PRR5L: variants seen among roughly 807,000 people sequenced by gnomAD.
PRR5L encodes the protein proline rich 5 like.
Under a neutral mutation model 36.4 loss-of-function variants are expected in PRR5L, and 21 were observed. That is an observed-to-expected ratio of 0.58 (90% CI 0.41 to 0.83). PRR5L has a LOEUF of 0.83. Ranked by LOEUF, PRR5L falls within the 40% of genes least tolerant of loss-of-function variation. The pLI is 0.00. For missense variants in PRR5L, 381 were observed against 473.3 expected, an observed-to-expected ratio of 0.80 and a Z score of 1.81; for synonymous variants, 188 against 197.0, an observed-to-expected ratio of 0.95 and a Z score of 0.38.
At chr11:36,336,865 T>C (rs1856773944) in intron 1 of PRR5L, among the ~76,000 whole-genome samples, 2 of 152,164 alleles carry the variant, frequency 1.3e-5, no homozygotes, top group African/African-American at 4.8e-5. Flanking sequence ...ATTTACTTAT[T>C]GGCTTTGTCC....
chr11:36,424,095 T>C (rs183019805), intron 4 of PRR5L, among the ~76,000 whole-genome samples: 252 of 152,280 alleles, frequency 1.7e-3, no homozygotes, highest in Middle Eastern at 6.8e-3. Context: ...TGGAAAAAAA[T>C]GGATCTTGAC....
chr11:36,317,168 G>T (rs187117139), intron 1 of PRR5L, among the ~76,000 whole-genome samples: 45 of 152,314 alleles, frequency 3.0e-4, no homozygotes, highest in African/African-American at 9.9e-4. Context: ...AGCTTCAAAC[G>T]TTCTTCTCTC....
At chr11:36,335,321 TCC>T (rs1379755701) in intron 1 of PRR5L, among the ~76,000 whole-genome samples, 2 of 152,142 alleles carry the variant, frequency 1.3e-5, no homozygotes, top group Non-Finnish European at 2.9e-5. Context: ...TGCCTCGACC[TCC>T]CAAAGTGCTG....
In PRR5L at chr11:36,403,467, T is replaced by TTG. The variant is rs1564937937; in HGVS notation, c.245+90_245+91insGT. ...ACCGCCTTAGGAGCCTTAAGGGTTTTTTTTTTTTTTTTCCTGCTTGATTCT... is the reference window on the plus strand; with the variant it reads ...ACCGCCTTAGGAGCCTTAAGGGTTTTTGTTTTTTTTTTTTCCTGCTTGATTCT... On this transcript the variant is annotated intron_variant, in intron 3 of 8. Transcript: ENST00000530639. The TTG allele has an allele frequency of 3.4e-4, 273 of 810,672 alleles. No homozygotes were observed. The South Asian group carries it at 4.3e-3, about 13-fold the overall frequency. The allele number at this position is 810,672 out of a possible 1,614,324, so 50.2% of individuals were successfully genotyped here. A position where few individuals can be genotyped will look rare whatever the true frequency, so the allele number is the denominator to read the frequency against.
At chr11:36,369,069 G>A (rs1857172774) in intron 1 of PRR5L, among the ~76,000 whole-genome samples, 1 of 152,156 alleles carries the variant, frequency 6.6e-6, no homozygotes, top group Non-Finnish European at 1.5e-5. Context: ...ACAAAAGGAG[G>A]TTTGGGAATG....
chr11:36,365,749 GTAT>G (rs1857138181), intron 1 of PRR5L, among the ~76,000 whole-genome samples: 2 of 152,144 alleles, frequency 1.3e-5, no homozygotes, highest in African/African-American at 4.8e-5. Flanking sequence ...GGTAATACAA[GTAT>G]TATATTTAGG....
chr11:36,320,055 T>C (rs1478753359), intron 1 of PRR5L, among the ~76,000 whole-genome samples: 1 of 152,116 alleles, frequency 6.6e-6, no homozygotes, highest in African/African-American at 2.4e-5. Flanking sequence ...TCAAGTGTAT[T>C]CAGCAGGTGC....
chr11:36,457,101 CCTG>C (rs1195512152), intron 8 of PRR5L, among the ~76,000 whole-genome samples: 2 of 152,194 alleles, frequency 1.3e-5, no homozygotes, highest in Non-Finnish European at 2.9e-5. Flanking sequence ...TGGGCTGGGA[CCTG>C]CGGAAATCAT....
intron 1 of PRR5L, among the ~76,000 whole-genome samples, chr11:36,375,458 G>A (rs975808717): frequency 2.6e-5 from 4 of 152,064 alleles, no homozygotes; most frequent in Non-Finnish European, 5.9e-5. Context: ...TTGTAGGGTC[G>A]CAATGACCAA....
At chr11:36,310,412 G>A (rs963171203) in intron 1 of PRR5L, among the ~76,000 whole-genome samples, 4 of 152,070 alleles carry the variant, frequency 2.6e-5, no homozygotes, top group Admixed American at 6.5e-5. Context: ...TAATAGGGGC[G>A]AAGTAGAGCC....
At chr11:36,310,132 C>T (rs1246626852) in intron 1 of PRR5L, among the ~76,000 whole-genome samples, 2 of 151,978 alleles carry the variant, frequency 1.3e-5, no homozygotes, top group East Asian at 3.9e-4. Context: ...CAAATGGTAC[C>T]CCAATTTACT....
intron 6 of PRR5L, among the ~76,000 whole-genome samples, chr11:36,442,570 G>C (rs1197523147): frequency 1.3e-5 from 2 of 152,112 alleles, no homozygotes; most frequent in African/African-American, 4.8e-5. Flanking sequence ...TCAAACTCCT[G>C]ACCTTGTGAT....
chr11:36,437,508 C>A (rs1350619954), intron 6 of PRR5L, 32 bp downstream of exon 6: 3 of 1,336,456 alleles, frequency 2.2e-6, no homozygotes, highest in African/African-American at 2.9e-5. Context: ...TTCCTGCCAT[C>A]CTCAGCGATC....
At chr11:36,423,778 T>G (rs561336091) in intron 4 of PRR5L, among the ~76,000 whole-genome samples, 159 of 152,144 alleles carry the variant, frequency 1.0e-3, no homozygotes, top group Non-Finnish European at 2.1e-3. Context: ...AGGTGAGAGG[T>G]CATCAGAGGT....
intron 3 of PRR5L, among the ~76,000 whole-genome samples, chr11:36,406,195 A>G (rs1488405860): frequency 6.6e-6 from 1 of 151,760 alleles, no homozygotes; most frequent in Non-Finnish European, 1.5e-5. Flanking sequence ...GAGGAGCATG[A>G]CACTCCCCCA....
chr11:36,297,531 G>A (rs1856325796), intron 1 of PRR5L: 1 of 152,156 alleles, frequency 6.6e-6, no homozygotes. Flanking sequence ...AGGACTCATG[G>A]TATATTATGG....
rs145997823 is a variant in PRR5L, at chr11:36,301,343, G to A, written c.-126+4905G>A. On this transcript the variant is annotated intron_variant, in intron 1 of 8. Transcript: ENST00000530639. ...TTTAGAGGGAACTCTGAGGCAGGAC[G>A]GGGACACACTTGAGCATCAGAGGCG... Among the ~76,000 whole-genome samples, 699 of 152,246 alleles carry A rather than the reference G, an allele frequency of 4.6e-3. 1 individual carries two copies. The highest frequency in any genetic ancestry group is 0.02 in the Middle Eastern group (6 of 294).
At chr11:36,453,436 C>T (rs1858984409) in intron 8 of PRR5L, among the ~76,000 whole-genome samples, 1 of 152,212 alleles carries the variant, frequency 6.6e-6, no homozygotes, top group Non-Finnish European at 1.5e-5. Context: ...ATAATGCACA[C>T]TTTTGCCAAA....
chr11:36,327,216 G>T (rs574337250), intron 1 of PRR5L, among the ~76,000 whole-genome samples: 1 of 152,144 alleles, frequency 6.6e-6, no homozygotes, highest in Non-Finnish European at 1.5e-5. Flanking sequence ...GATGCCCACC[G>T]AACTGAATGG....
Sources: allele counts gnomAD v4.1 joint callset (sites outside exome capture counted in the v4.1 genomes callset), GRCh38; gene constraint gnomAD v4.1.1; transcripts MANE v1.5; gene names NCBI Gene and HGNC (gene_info 2026-07-23, HGNC 2026-07-21).